The following TSPAN16 variants were observed in gnomAD, a reference collection of about 807,000 sequenced individuals.
TSPAN16 encodes the protein tetraspanin 16.
TSPAN16 carries 23 observed loss-of-function variants against 25.2 expected under a neutral mutation model. The observed-to-expected ratio is 0.91, with a 90% CI of 0.66 to 1.29. TSPAN16 has a LOEUF of 1.29. TSPAN16 is among the 50% of genes most tolerant of loss of function. TSPAN16 has a pLI of 0.00. For missense variants in TSPAN16, 272 were observed against 299.9 expected, an observed-to-expected ratio of 0.91 and a Z score of 0.69; for synonymous variants, 123 against 124.4, an observed-to-expected ratio of 0.99 and a Z score of 0.08.
At chr19:11,303,157 C>T (rs565606618) in intron 4 of TSPAN16, among the ~76,000 whole-genome samples, 13 of 147,536 alleles carry the variant, frequency 8.8e-5, no homozygotes, top group East Asian at 7.8e-4. Context: ...GGATGGTTGT[C>T]GTGTCTGTGT....
chr19:11,308,753 G>A (rs1489610549), intron 5 of TSPAN16, among the ~76,000 whole-genome samples: 6 of 151,828 alleles, frequency 4.0e-5, no homozygotes, highest in Admixed American at 6.6e-5. Flanking sequence ...GATTACAGGC[G>A]TGAGCCACCG....
chr19:11,310,798 C>T (rs1256018432), intron 5 of TSPAN16, among the ~76,000 whole-genome samples: 2 of 152,100 alleles, frequency 1.3e-5, no homozygotes, highest in African/African-American at 4.8e-5. Context: ...ACATGTCAGA[C>T]CACTGCAATG....
At chr19:11,320,142 A>T, downstream of TSPAN16, among the ~76,000 whole-genome samples, 2 of 63,378 alleles carry the variant, frequency 3.2e-5, no homozygotes, top group African/African-American at 1.1e-4. Context: ...TTTTTTTGAG[A>T]CGGAGTTTCT....
chr19:11,303,175 A>G (rs1412394044), intron 4 of TSPAN16, among the ~76,000 whole-genome samples: 2 of 148,066 alleles, frequency 1.4e-5, no homozygotes, highest in Admixed American at 6.7e-5. Flanking sequence ...TGTAGAAAGA[A>G]GTAGACATGG....
chr19:11,298,433 CTATTT>C, intron 2 of TSPAN16, 94 bp downstream of exon 2: 1 of 1,237,072 alleles, frequency 8.1e-7, no homozygotes, highest in Non-Finnish European at 1.1e-6. Context: ...TTGGTGTCAC[CTATTT>C]TTTTTTTTTT....
rs1002385567 is a variant in TSPAN16, at chr19:11,300,477, A to G, written c.343-724A>G. Among the ~76,000 whole-genome samples the G allele has an allele frequency of 2.6e-5, 4 of 152,342 alleles. No individual in the cohort carries two copies. The East Asian group carries it at 7.7e-4, about 29-fold the overall frequency. On this transcript the variant is annotated intron_variant, in intron 3 of 6. Coordinates refer to ENST00000590327, the MANE Select transcript of TSPAN16 (RefSeq NM_001282509.2). ...GCTGGCACTAGGGAGTCAGGCCAGT[A>G]GGCACAGAACTGACAAGGGCCACAG...
intron 5 of TSPAN16, among the ~76,000 whole-genome samples, chr19:11,308,684 A>G (rs2080657032): frequency 6.6e-6 from 1 of 151,826 alleles, no homozygotes. Context: ...CGTGTTAGCC[A>G]GGATGGTCTC....
chr19:11,326,575 T>C (rs1378382605), intron 6 of TSPAN16, among the ~76,000 whole-genome samples: 2 of 152,186 alleles, frequency 1.3e-5, no homozygotes, highest in Non-Finnish European at 2.9e-5. Flanking sequence ...CAGAAAGGCA[T>C]GGTCAGGAGA....
At chr19:11,296,878 A>G (rs1474369738) in intron 1 of TSPAN16, among the ~76,000 whole-genome samples, 1 of 152,000 alleles carries the variant, frequency 6.6e-6, no homozygotes, top group African/African-American at 2.4e-5. Context: ...TCTCTACTAA[A>G]AATACAAAAA....
chr19:11,321,025 C>T (rs994755573), intron 6 of TSPAN16, among the ~76,000 whole-genome samples: 4 of 151,954 alleles, frequency 2.6e-5, no homozygotes, highest in Admixed American at 6.6e-5. Flanking sequence ...AAAAATTAGC[C>T]AGGCGTAGTG....
At chr19:11,326,863 G>T (rs2080816671) in exon 7 of TSPAN16, 1 of 627,984 alleles carries the variant, frequency 1.6e-6, no homozygotes, top group Non-Finnish European at 2.9e-6. Flanking sequence ...CCCCGCCTAG[G>T]CCTCCCAAAG....
chr19:11,303,077 C>T (rs2080582650), intron 4 of TSPAN16, among the ~76,000 whole-genome samples: 2 of 150,034 alleles, frequency 1.3e-5, no homozygotes, highest in Non-Finnish European at 1.5e-5. Context: ...TCATTGAGAA[C>T]GGGCCAGGAT....
In TSPAN16 at chr19:11,326,663, G is replaced by A. The variant is rs549364728; in HGVS notation, c.688-131G>A. ...CTATTGCCCAGGCCGGGGTGTAGTG[G>A]TATGAACATGGCTCATTGCAGCCTC... is the stretch of plus-strand genomic sequence containing the variant. On this transcript the variant is annotated intron_variant, in intron 6 of 6. Transcript: ENST00000316737. The A allele has an allele frequency of 4.5e-5, 27 of 605,414 alleles. No homozygotes were observed. In the South Asian group the frequency reaches 5.0e-4, roughly 11 times the overall value. 37.5% of individuals were successfully genotyped at this position (605,414 alleles called of 1,614,324 possible).
chr19:11,323,890 G>T (rs1172819627), intron 6 of TSPAN16: 1 of 152,282 alleles, frequency 6.6e-6, no homozygotes, highest in Non-Finnish European at 1.5e-5. Context: ...TGGGAGCAAA[G>T]AAAAGGTGCT....
At chr19:11,321,558 CA>C (rs1445636276) in intron 6 of TSPAN16, among the ~76,000 whole-genome samples, 1 of 152,150 alleles carries the variant, frequency 6.6e-6, no homozygotes, top group African/African-American at 2.4e-5. Context: ...CAGGCAGAGG[CA>C]GGGGGAACAT....
intron 3 of TSPAN16, among the ~76,000 whole-genome samples, chr19:11,299,985 GA>G (rs60293071): frequency 0.4 from 43,601 of 107,946 alleles, 6,644 homozygotes; most frequent in African/African-American, 0.51. Context: ...CTCAAAAAAA[GA>G]AAAAAAAAAA....
chr19:11,303,530 G>C, intron 4 of TSPAN16, among the ~76,000 whole-genome samples: 1 of 118,304 alleles, frequency 8.5e-6, no homozygotes, highest in Non-Finnish European at 1.7e-5. Context: ...CCCCCTCTGT[G>C]AGAAACACCC....
At chr19:11,322,833 T>C (rs921374959) in intron 6 of TSPAN16, 1 of 152,228 alleles carries the variant, frequency 6.6e-6, no homozygotes, top group East Asian at 1.9e-4. Flanking sequence ...ACACAGGTGA[T>C]TACAGGTTAG....
rs762626643 is a variant in TSPAN16 at position 11,301,319 on chromosome 19, C to T, written c.450+11C>T. 6.3e-7 allele frequency: 1 copy of T among 1,594,116 alleles called. No homozygotes were observed. The highest frequency in any genetic ancestry group is 8.6e-7 in the Non-Finnish European group (1 of 1,166,374). On this transcript the variant is annotated intron_variant, in intron 4 of 6. Coordinates refer to ENST00000590327, the MANE Select transcript of TSPAN16 (RefSeq NM_001282509.2). ...TTGGTCATGGAGAAGGTGAGGCTTA[C>T]TTAAAAAAAAAAAATTGTGGTGTAA... is the stretch of plus-strand genomic sequence containing the variant.
Sources: allele counts gnomAD v4.1 joint callset (sites outside exome capture counted in the v4.1 genomes callset), GRCh38; gene constraint gnomAD v4.1.1; transcripts MANE v1.5; gene names NCBI Gene and HGNC (gene_info 2026-07-23, HGNC 2026-07-21).